DAOA: variants seen among roughly 807,000 people sequenced by gnomAD.
The protein encoded by DAOA is D-amino acid oxidase activator.
DAOA carries 15 observed loss-of-function variants against 16.4 expected under a neutral mutation model. The observed-to-expected ratio is 0.91, with a 90% CI of 0.61 to 1.41. The LOEUF is 1.41. Among genes scored for constraint, DAOA ranks in the 40% most tolerant of loss-of-function variants. DAOA has a pLI of 0.00. For missense variants in DAOA, 230 were observed against 176.8 expected, an observed-to-expected ratio of 1.30 and a Z score of -1.71; for synonymous variants, 75 against 59.1, an observed-to-expected ratio of 1.27 and a Z score of -1.23.
chr13:105,485,233 A>G lies in DAOA; in HGVS notation c.282-4668A>G, dbSNP rs563809233. Among the ~76,000 whole-genome samples, 4 of 152,332 alleles carry G rather than the reference A, an allele frequency of 2.6e-5. 1 individual carries two copies. In the East Asian group the frequency reaches 7.7e-4, roughly 29 times the overall value. On this transcript the variant is annotated intron_variant, in intron 4 of 5. Coordinates refer to ENST00000375936, the MANE Select transcript of DAOA (RefSeq NM_172370.5). ...CTCAAATCTCTCATTTGAATTCCAA[A>G]GGCATTTTTAACCACCAAATCTACA...
At chr13:105,478,952 C>T (rs1368759275) in intron 4 of DAOA, among the ~76,000 whole-genome samples, 3 of 152,194 alleles carry the variant, frequency 2.0e-5, no homozygotes, top group Non-Finnish European at 4.4e-5. Flanking sequence ...TTTTGTCTCA[C>T]AGATTGATTA....
intron 4 of DAOA, among the ~76,000 whole-genome samples, chr13:105,476,775 T>A (rs1877370786): frequency 6.6e-6 from 1 of 151,884 alleles, no homozygotes; most frequent in Admixed American, 6.6e-5. Context: ...GTACTCTAAC[T>A]CAAAACGTTT....
In DAOA at chr13:105,472,326, C is replaced by T. The variant is rs532378759; in HGVS notation, c.134-212C>T. ...CGATCCAGAGAGAGAAGCCACCCTT[C>T]GTTTGGGCTTAATCTCAAAACACAG... On this transcript the variant is annotated intron_variant, in intron 3 of 5. Coordinates refer to ENST00000375936, the MANE Select transcript of DAOA (RefSeq NM_172370.5). Among the ~76,000 whole-genome samples, 90 of 152,270 alleles carry T rather than the reference C, an allele frequency of 5.9e-4. 2 individuals are homozygous for T. The South Asian group carries it at 0.011, about 19-fold the overall frequency.
chr13:105,471,429 T>C (rs938975122), intron 3 of DAOA, among the ~76,000 whole-genome samples: 4 of 152,170 alleles, frequency 2.6e-5, no homozygotes, highest in Admixed American at 2.0e-4. Flanking sequence ...GAAGTTTACC[T>C]AGATGATACC....
intron 4 of DAOA, among the ~76,000 whole-genome samples, chr13:105,479,027 A>G (rs1357979775): frequency 6.6e-6 from 1 of 152,196 alleles, no homozygotes; most frequent in Non-Finnish European, 1.5e-5. Flanking sequence ...GGGCACTAAC[A>G]TATACTTAGG....
intron 4 of DAOA, among the ~76,000 whole-genome samples, chr13:105,482,504 A>AC (rs1446918966): frequency 7.0e-6 from 1 of 143,514 alleles, no homozygotes; most frequent in Non-Finnish European, 1.5e-5. Context: ...ACCTTGGTGT[A>AC]AGTTTTTTTT....
At chr13:105,487,067 G>T (rs1878162345) in intron 4 of DAOA, among the ~76,000 whole-genome samples, 1 of 152,166 alleles carries the variant, frequency 6.6e-6, no homozygotes, top group South Asian at 2.1e-4. Flanking sequence ...TCAGGAATTA[G>T]GGTAAGAGGA....
At position 105,479,646 on chromosome 13, in the gene DAOA, C is replaced by A. The variant is rs139678736; in HGVS notation, c.281+6961C>A. ...GGCTCTGCTCCTCTTCCTAGAAAGACACCAGCAATATTGGATGTAGAGCCC... is the reference window on the plus strand; with the variant it reads ...GGCTCTGCTCCTCTTCCTAGAAAGAAACCAGCAATATTGGATGTAGAGCCC... On this transcript the variant is annotated intron_variant, in intron 4 of 5. Coordinates refer to ENST00000375936, the MANE Select transcript of DAOA (RefSeq NM_172370.5). Among the ~76,000 whole-genome samples, 705 of 152,282 alleles carry A rather than the reference C, an allele frequency of 4.6e-3. 4 individuals are homozygous for A. The highest frequency in any genetic ancestry group is 6.0e-3 in the Non-Finnish European group (409 of 68,012).
intron 4 of DAOA, among the ~76,000 whole-genome samples, chr13:105,489,130 A>T (rs1459199545): frequency 6.6e-6 from 1 of 152,170 alleles, no homozygotes; most frequent in Non-Finnish European, 1.5e-5. Flanking sequence ...TGTCCAGGAA[A>T]TTTGTTGGTT....
chr13:105,468,404 G>A (rs1399694932), intron 3 of DAOA, among the ~76,000 whole-genome samples: 8 of 152,180 alleles, frequency 5.3e-5, no homozygotes, highest in Non-Finnish European at 8.8e-5. Flanking sequence ...CCTCAAAGGT[G>A]CAGATGGTCA....
intron 4 of DAOA, among the ~76,000 whole-genome samples, chr13:105,487,051 CA>C (rs970586661): frequency 1.3e-5 from 2 of 152,044 alleles, no homozygotes; most frequent in African/African-American, 4.8e-5. Context: ...TATTGGATTA[CA>C]GTGGTCAGGA....
chr13:105,472,828 C>G, intron 4 of DAOA, 143 bp downstream of exon 4: 1 of 631,646 alleles, frequency 1.6e-6, no homozygotes, highest in South Asian at 4.5e-5. Flanking sequence ...GATTATTTGT[C>G]TATTACATAG....
intron 3 of DAOA, among the ~76,000 whole-genome samples, chr13:105,468,379 C>T (rs1876686818): frequency 6.6e-6 from 1 of 152,152 alleles, no homozygotes. Context: ...TTTTCCTAAA[C>T]TGAATTTTAT....
intron 4 of DAOA, among the ~76,000 whole-genome samples, chr13:105,475,645 A>G (rs982514736): frequency 6.6e-6 from 1 of 152,228 alleles, no homozygotes. Flanking sequence ...TCAGATTGAT[A>G]AATTCCGCTA....
At chr13:105,485,892 C>G (rs1273094393) in intron 4 of DAOA, among the ~76,000 whole-genome samples, 1 of 152,170 alleles carries the variant, frequency 6.6e-6, no homozygotes, top group East Asian at 1.9e-4. Flanking sequence ...CCTGCTGAAA[C>G]CTCCATCCCA....
intron 4 of DAOA, among the ~76,000 whole-genome samples, chr13:105,478,087 A>T (rs1411027084): frequency 6.6e-6 from 1 of 152,224 alleles, no homozygotes; most frequent in African/African-American, 2.4e-5. Flanking sequence ...ATTTGTGACC[A>T]TCCAGTTAGG....
intron 4 of DAOA, among the ~76,000 whole-genome samples, chr13:105,484,396 TA>T (rs1292502839): frequency 6.6e-6 from 1 of 152,158 alleles, no homozygotes; most frequent in Non-Finnish European, 1.5e-5. Context: ...AGGGAAGCTA[TA>T]GATGAATTTG....
In DAOA at chr13:105,474,394, A is replaced by T. The variant is rs1247574586; in HGVS notation, c.281+1709A>T. On this transcript the variant is annotated intron_variant, in intron 4 of 5. Transcript: ENST00000375936. ...TGTGTGTGTGCGTGTGTATTTTAAGAACATGATCATTTGTAATACATAGAT... is the reference window on the plus strand; with the variant it reads ...TGTGTGTGTGCGTGTGTATTTTAAGTACATGATCATTTGTAATACATAGAT... 2.0e-5 allele frequency among the ~76,000 whole-genome samples: 3 copies of T among 152,178 alleles called. No homozygotes were observed. In the East Asian group the frequency reaches 5.8e-4, roughly 29 times the overall value.
chr13:105,466,426 G>T (rs1876521011), intron 2 of DAOA, 94 bp downstream of exon 2: 1 of 1,582,218 alleles, frequency 6.3e-7, no homozygotes, highest in African/African-American at 1.3e-5. Context: ...TGTTCCTGGA[G>T]ACAGGAAGTG....
Sources: allele counts gnomAD v4.1 joint callset (sites outside exome capture counted in the v4.1 genomes callset), GRCh38; gene constraint gnomAD v4.1.1; transcripts MANE v1.5; gene names NCBI Gene and HGNC (gene_info 2026-07-23, HGNC 2026-07-21).